RBFOX2: variants seen among roughly 807,000 people sequenced by gnomAD.
RBFOX2 encodes RNA binding fox-1 homolog 2.
A neutral mutation model predicts 49.1 loss-of-function variants in RBFOX2; 10 were observed. The observed-to-expected ratio is 0.20, with a 90% CI of 0.13 to 0.35. RBFOX2 has a LOEUF of 0.35. Ranked by LOEUF, RBFOX2 falls within the 10% of genes least tolerant of loss-of-function variation. The pLI, the probability that RBFOX2 is intolerant of heterozygous loss-of-function variation, is 1.00. For synonymous variants in RBFOX2, 183 were observed against 187.4 expected (o/e 0.98, Z 0.19); for missense variants, 323 against 486.9 (o/e 0.66, Z 3.17).
chr22:35,940,045 G>A (rs2053535109), upstream of RBFOX2, among the ~76,000 whole-genome samples: 1 of 152,140 alleles, frequency 6.6e-6, no homozygotes, highest in Non-Finnish European at 1.5e-5. Context: ...CAGCGTAAAA[G>A]AAATTTTCAT....
At chr22:35,789,677 C>T (rs1484222526) in intron 2 of RBFOX2, among the ~76,000 whole-genome samples, 1 of 152,170 alleles carries the variant, frequency 6.6e-6, no homozygotes, top group Non-Finnish European at 1.5e-5. Context: ...AACCCCCATC[C>T]CCCAAACTAG....
At chr22:35,984,024 T>C (rs1192379626) in intron 1 of RBFOX2, among the ~76,000 whole-genome samples, 3 of 152,180 alleles carry the variant, frequency 2.0e-5, no homozygotes, top group African/African-American at 7.2e-5. Flanking sequence ...ATTTTTTTAA[T>C]AATTCTCTTC....
chr22:35,842,571 G>GGGAA, upstream of RBFOX2, among the ~76,000 whole-genome samples: 1 of 152,116 alleles, frequency 6.6e-6, no homozygotes, highest in South Asian at 2.1e-4. Context: ...GGATAACTGT[G>GGGAA]TTTTCAGTTC....
chr22:35,878,320 C>T (rs977249248), intron 1 of RBFOX2, among the ~76,000 whole-genome samples: 5 of 152,134 alleles, frequency 3.3e-5, no homozygotes, highest in African/African-American at 1.2e-4. Context: ...ATCACTTGAA[C>T]CCAGGAGGCG....
At chr22:35,957,957 T>TA (rs896938033) in intron 1 of RBFOX2, among the ~76,000 whole-genome samples, 1 of 152,118 alleles carries the variant, frequency 6.6e-6, no homozygotes, top group Non-Finnish European at 1.5e-5. Context: ...CTTTGGCATT[T>TA]AAAAAAACAA....
chr22:35,898,261 A>G, intron 1 of RBFOX2: 1 of 751,504 alleles, frequency 1.3e-6, no homozygotes, highest in Non-Finnish European at 2.5e-6. Context: ...GACTTGAGGA[A>G]CATTCACCTT....
intron 4 of RBFOX2, among the ~76,000 whole-genome samples, chr22:35,773,726 A>G (rs2146855816): frequency 6.6e-6 from 1 of 152,196 alleles, no homozygotes; most frequent in South Asian, 2.1e-4. Context: ...GGATATACCA[A>G]AGTATTTTGG....
rs565350683 is a variant in RBFOX2 at position 35,979,382 on chromosome 22, G to A, written c.187-40485C>T. On this transcript the variant is annotated intron_variant, in intron 1 of 13. Coordinates refer to the RBFOX2 transcript ENST00000438146. ...ACGAAGTCTGTGGATGGATGGTCGCGTTGTACTAATATTGATTTCCTGATT... is the reference window on the plus strand; with the variant it reads ...ACGAAGTCTGTGGATGGATGGTCGCATTGTACTAATATTGATTTCCTGATT... 7.9e-5 allele frequency among the ~76,000 whole-genome samples: 12 copies of A among 152,306 alleles called. No homozygotes were observed. The South Asian group carries it at 8.3e-4, about 11-fold the overall frequency.
intron 1 of RBFOX2, among the ~76,000 whole-genome samples, chr22:35,913,761 T>C (rs1033808361): frequency 1.3e-5 from 2 of 151,952 alleles, no homozygotes; most frequent in East Asian, 1.9e-4. Context: ...CTAATCAAAA[T>C]TCTGCTCCTC....
At chr22:35,933,413 C>G (rs1165516502) in intron 1 of RBFOX2, among the ~76,000 whole-genome samples, 1 of 152,150 alleles carries the variant, frequency 6.6e-6, no homozygotes, top group Non-Finnish European at 1.5e-5. Flanking sequence ...TACACTACAG[C>G]TTAAATAATT....
chr22:36,028,613 C>T (rs991159673), exon 1 of RBFOX2, among the ~76,000 whole-genome samples: 5 of 149,618 alleles, frequency 3.3e-5, no homozygotes, highest in Admixed American at 3.3e-4. Flanking sequence ...TGCCTGACCG[C>T]TTGCTCCCCG....
chr22:35,919,530 C>CA (rs758998485), intron 1 of RBFOX2, among the ~76,000 whole-genome samples: 16,298 of 115,774 alleles, frequency 0.14, 1,088 homozygotes, highest in African/African-American at 0.23. Context: ...GAGACTGTCT[C>CA]AAAAAAAAAA....
chr22:35,808,357 G>A (rs1951157239), intron 2 of RBFOX2, among the ~76,000 whole-genome samples: 1 of 152,112 alleles, frequency 6.6e-6, no homozygotes, highest in Non-Finnish European at 1.5e-5. Context: ...AACATCGAAA[G>A]TAGGAATTTC....
At chr22:35,990,511 C>A (rs2057930455) in intron 1 of RBFOX2, among the ~76,000 whole-genome samples, 1 of 152,058 alleles carries the variant, frequency 6.6e-6, no homozygotes, top group Non-Finnish European at 1.5e-5. Context: ...ACTGAAGAGT[C>A]TTAATGAGAA....
At chr22:35,835,171 A>T (rs1038569821) in intron 1 of RBFOX2, among the ~76,000 whole-genome samples, 7 of 152,180 alleles carry the variant, frequency 4.6e-5, no homozygotes, top group African/African-American at 9.7e-5. Context: ...ATGTTCAAAA[A>T]AGATTTGACA....
chr22:35,802,489 G>T (rs1343158918), intron 2 of RBFOX2, among the ~76,000 whole-genome samples: 1 of 152,264 alleles, frequency 6.6e-6, no homozygotes, highest in South Asian at 2.1e-4. Flanking sequence ...TAAACTTAGG[G>T]GCAAGAGCAT....
chr22:35,760,297 C>T (rs1938323623), intron 8 of RBFOX2, among the ~76,000 whole-genome samples: 1 of 152,134 alleles, frequency 6.6e-6, no homozygotes, highest in South Asian at 2.1e-4. Context: ...TTCAGCTTTA[C>T]AATGCAAGCT....
chr22:35,854,912 C>T (rs1757504112), intron 1 of RBFOX2, among the ~76,000 whole-genome samples: 1 of 151,944 alleles, frequency 6.6e-6, no homozygotes, highest in South Asian at 2.1e-4. Context: ...AAACACACTA[C>T]AAAAAATCAA....
At chr22:36,012,939 T>C (rs1208462459) in intron 1 of RBFOX2, among the ~76,000 whole-genome samples, 1 of 152,042 alleles carries the variant, frequency 6.6e-6, no homozygotes, top group East Asian at 1.9e-4. Flanking sequence ...AAATTTTTTT[T>C]ATTTTTAGTA....
Sources: allele counts gnomAD v4.1 joint callset (sites outside exome capture counted in the v4.1 genomes callset), GRCh38; gene constraint gnomAD v4.1.1; transcripts MANE v1.5; gene names NCBI Gene and HGNC (gene_info 2026-07-23, HGNC 2026-07-21).